Variants in SPRY3 observed in about 807,000 individuals in gnomAD.
SPRY3 encodes the protein sprouty RTK signaling antagonist 3.
Under a neutral mutation model 20.2 loss-of-function variants are expected in SPRY3, and 15 were observed. The ratio of observed to expected loss-of-function variants is 0.74; its 90% CI spans 0.50 to 1.14. The LOEUF is 1.14. Among genes scored for constraint, SPRY3 ranks in the 50% most tolerant of loss-of-function variants. The probability of loss-of-function intolerance (pLI) is 0.00; values close to 1 mark genes in which losing one functional copy is unlikely to be tolerated. For missense variants in SPRY3, 364 were observed against 363.9 expected (o/e 1.00, Z 0.00); for synonymous variants, 143 against 136.5 (o/e 1.05, Z -0.33).
intron 2 of SPRY3, among the ~76,000 whole-genome samples, chrX:155,753,219 A>G (rs1249940672): frequency 6.6e-6 from 1 of 151,886 alleles, no homozygotes; most frequent in Admixed American, 6.6e-5. Context: ...CATCAACCCA[A>G]AAAGAAACCC....
chrX:155,757,701 AC>A (rs1442098428), intron 2 of SPRY3, among the ~76,000 whole-genome samples: 1 of 152,138 alleles, frequency 6.6e-6, no homozygotes, highest in African/African-American at 2.4e-5. Context: ...AGATCTCTGA[AC>A]AAAAAATCTC....
chrX:155,704,377 C>T (rs2090933803), intron 2 of SPRY3, among the ~76,000 whole-genome samples: 1 of 151,570 alleles, frequency 6.6e-6, no homozygotes, highest in Admixed American at 6.6e-5. Flanking sequence ...ATGAAGAATG[C>T]CTTTGAGGGG....
chrX:155,776,168 C>T (rs189966262), exon 4 of SPRY3: 1 of 167,192 alleles, frequency 6.0e-6, no homozygotes, highest in Non-Finnish European at 1.5e-5. Context: ...GTGTGGTGGT[C>T]TTTCTCCAGT....
chrX:155,632,207 T>A (rs1390831580), intron 1 of SPRY3, among the ~76,000 whole-genome samples: 1 of 69,241 alleles, frequency 1.4e-5, no homozygotes, highest in African/African-American at 4.3e-5. Context: ...TCATATGTGA[T>A]TTCCACAGCC....
intron 1 of SPRY3, 128 bp downstream of exon 1, chrX:155,612,775 C>G (rs1480634401): frequency 8.9e-6 from 1 of 112,327 alleles, no homozygotes; most frequent in Non-Finnish European, 1.9e-5. Flanking sequence ...TTCCCTGACC[C>G]ACGGGACGGA....
chrX:155,768,586 T>C (rs2091361823), intron 3 of SPRY3, among the ~76,000 whole-genome samples: 1 of 152,166 alleles, frequency 6.6e-6, no homozygotes, highest in African/African-American at 2.4e-5. Context: ...GTCTGGGCTG[T>C]GCATCGTTCA....
intron 2 of SPRY3, among the ~76,000 whole-genome samples, chrX:155,715,785 C>T (rs1012075932): frequency 2.6e-5 from 4 of 152,136 alleles, no homozygotes; most frequent in Non-Finnish European, 5.9e-5. Flanking sequence ...TCCAAATGTT[C>T]CCTCCATGCA....
intron 1 of SPRY3, among the ~76,000 whole-genome samples, chrX:155,633,030 G>C (rs1174682338): frequency 9.0e-6 from 1 of 111,307 alleles, no homozygotes; most frequent in African/African-American, 3.3e-5. Context: ...ACTTTAACTG[G>C]AAATAAGGAC....
chrX:155,773,309 TATATATATATA>T lies in SPRY3; in HGVS notation c.-106-456_-106-446del, dbSNP rs1569402336. The stretch of plus-strand genomic sequence containing the variant: ...CACTGAAAAGATAATTTTGATTGGA[TATATATATATA>T]TATATATATATATATATATATGAGC... On this transcript the variant is annotated intron_variant, in intron 3 of 3. Coordinates refer to ENST00000675360, the Ensembl canonical transcript of SPRY3. Among the ~76,000 whole-genome samples the T allele has an allele frequency of 1.8e-3, 248 of 134,142 alleles. 1 individual carries two copies. Among genetic ancestry groups the T allele is most frequent in the African/African-American group, 6.6e-3 (234 of 35,392 alleles). The allele number at this position is 134,142 out of a possible 152,430, so 88.0% of individuals were successfully genotyped here.
At chrX:155,709,662 A>T (rs2090973481) in intron 2 of SPRY3, among the ~76,000 whole-genome samples, 2 of 151,492 alleles carry the variant, frequency 1.3e-5, no homozygotes, top group African/African-American at 4.8e-5. Flanking sequence ...TAGCTCTTTA[A>T]CTTGATGTGA....
In SPRY3 at chrX:155,708,565, G is replaced by C. The variant is rs139820658; in HGVS notation, c.-282+51540G>C. ...GATTAATGCTTCTCATCAAATTTGA[G>C]AAGTTGTTATTTTTGCTTCAATCTT... On this transcript the variant is annotated intron_variant, in intron 2 of 3. Transcript: ENST00000675360. 1.6e-3 allele frequency among the ~76,000 whole-genome samples: 244 copies of C among 151,202 alleles called. 2 individuals carry two copies. Among genetic ancestry groups the C allele is most frequent in the African/African-American group, 5.7e-3 (234 of 41,358 alleles).
chrX:155,768,889 T>C (rs1406307161), intron 3 of SPRY3, among the ~76,000 whole-genome samples: 2 of 152,212 alleles, frequency 1.3e-5, no homozygotes, highest in Non-Finnish European at 2.9e-5. Context: ...GCAAACCAAG[T>C]TGGATGAACA....
chrX:155,726,305 G>T (rs1320611101), intron 2 of SPRY3, among the ~76,000 whole-genome samples: 2 of 152,122 alleles, frequency 1.3e-5, no homozygotes, highest in Admixed American at 6.5e-5. Context: ...GTTGATTTGG[G>T]GTGCAGAGTT....
chrX:155,780,349 TA>T (rs1272482966), downstream of SPRY3: 1 of 166,966 alleles, frequency 6.0e-6, no homozygotes, highest in African/African-American at 2.4e-5. Flanking sequence ...TGTTCTCTTG[TA>T]ACAAGATGGG....
intron 1 of SPRY3, among the ~76,000 whole-genome samples, chrX:155,620,285 T>G (rs1451683011): frequency 1.8e-5 from 2 of 111,070 alleles, no homozygotes; most frequent in Non-Finnish European, 3.8e-5. Flanking sequence ...TAAACACACT[T>G]TAGCAGATTC....
intron 2 of SPRY3, among the ~76,000 whole-genome samples, chrX:155,674,192 G>A (rs1309652773): frequency 9.0e-6 from 1 of 110,802 alleles, no homozygotes; most frequent in African/African-American, 3.3e-5. Context: ...GCAGCCAAAC[G>A]CAACTAGCCT....
chrX:155,709,060 CA>C (rs1283937894), intron 2 of SPRY3, among the ~76,000 whole-genome samples: 1 of 151,458 alleles, frequency 6.6e-6, no homozygotes, highest in East Asian at 1.9e-4. Flanking sequence ...TTTCTTTATC[CA>C]TTTATCAGTT....
rs1372891061 is a variant in SPRY3, at chrX:155,754,998, T to C, written c.-281-12964T>C. On this transcript the variant is annotated intron_variant, in intron 2 of 3. Transcript: ENST00000675360. Reference sequence around the variant, plus strand: ...TGTGTATTTTAAATAGGGAATTTGCTATGGAAGTTTGTTACAAATAGATAT... The same window carrying C: ...TGTGTATTTTAAATAGGGAATTTGCCATGGAAGTTTGTTACAAATAGATAT... 3.3e-5 allele frequency among the ~76,000 whole-genome samples: 5 copies of C among 151,846 alleles called. No individual in the cohort carries two copies. The East Asian group carries it at 9.7e-4, about 29-fold the overall frequency.
chrX:155,625,202 A>C (rs1219314068), intron 1 of SPRY3, among the ~76,000 whole-genome samples: 1 of 111,557 alleles, frequency 9.0e-6, no homozygotes, highest in African/African-American at 3.2e-5. Context: ...AGAAAGATTC[A>C]ATCAAGCTAA....
Sources: allele counts gnomAD v4.1 joint callset (sites outside exome capture counted in the v4.1 genomes callset), GRCh38; gene constraint gnomAD v4.1.1; transcripts MANE v1.5; gene names NCBI Gene and HGNC (gene_info 2026-07-23, HGNC 2026-07-21).